Variants in ADK observed in about 807,000 individuals in gnomAD.
ADK encodes the protein N6,N6-dimethyladenosine kinase.
ADK carries 24 observed loss-of-function variants against 44.7 expected under a neutral mutation model. The ratio of observed to expected loss-of-function variants is 0.54; its 90% CI spans 0.39 to 0.76. The LOEUF is 0.76. ADK is among the 30% of genes least tolerant of loss of function. The probability of loss-of-function intolerance (pLI) is 0.00; values close to 1 mark genes in which losing one functional copy is unlikely to be tolerated. For synonymous variants in ADK, 128 were observed against 142.6 expected (o/e 0.90, Z 0.73); for missense variants, 321 against 425.1 (o/e 0.76, Z 2.15).
At chr10:74,632,221 T>C (rs1853461193) in intron 9 of ADK, among the ~76,000 whole-genome samples, 1 of 152,210 alleles carries the variant, frequency 6.6e-6, no homozygotes, top group Non-Finnish European at 1.5e-5. Flanking sequence ...TGGTTTTCTG[T>C]GTTAGGCTTC....
In ADK at chr10:74,208,407, A is replaced by G. The variant is rs375444946; in HGVS notation, c.140+7569A>G. Among the ~76,000 whole-genome samples, 67 of 152,356 alleles carry G rather than the reference A, an allele frequency of 4.4e-4. No homozygotes were observed. The East Asian group carries it at 8.1e-3, about 18-fold the overall frequency. ...TCTAGACAGCCTGCTGCTGCCATCA[A>G]TGACGCTGCTGGGAGCTCGAGTAAC... On this transcript the variant is annotated intron_variant, in intron 2 of 10. Transcript: ENST00000539909.
At chr10:74,156,561 C>G (rs1374467323) in intron 1 of ADK, among the ~76,000 whole-genome samples, 1 of 152,152 alleles carries the variant, frequency 6.6e-6, no homozygotes, top group East Asian at 1.9e-4. Flanking sequence ...CAGCAAGACT[C>G]TGTCTCAAAA....
In ADK at chr10:74,566,197, C is replaced by T. The variant is rs1284054782; in HGVS notation, c.727-23085C>T. ...CTCTTCATGTTTTTATTTTCTCTCT[C>T]TCTCTTTTTTTTTTTTTTTTTTTTT... On this transcript the variant is annotated intron_variant, in intron 7 of 10. Coordinates refer to ENST00000539909, the MANE Select transcript of ADK (RefSeq NM_006721.4). Among the ~76,000 whole-genome samples the T allele has an allele frequency of 3.5e-5, 5 of 144,580 alleles. No homozygotes were observed. The East Asian group carries it at 9.8e-4, about 28-fold the overall frequency. 94.9% of individuals were successfully genotyped at this position (144,580 alleles called of 152,430 possible).
chr10:74,337,272 T>C (rs564645367), intron 4 of ADK, among the ~76,000 whole-genome samples: 1 of 152,334 alleles, frequency 6.6e-6, no homozygotes, highest in African/African-American at 2.4e-5. Flanking sequence ...TCTGGGAAAG[T>C]CAGTGTCAAA....
chr10:74,154,389 C>A (rs1446545879), intron 1 of ADK, among the ~76,000 whole-genome samples: 1 of 152,178 alleles, frequency 6.6e-6, no homozygotes, highest in Non-Finnish European at 1.5e-5. Flanking sequence ...CTGCCTCCGC[C>A]TCCCAAGTAG....
At chr10:74,468,485 A>G (rs1846437945) in intron 6 of ADK, among the ~76,000 whole-genome samples, 1 of 152,200 alleles carries the variant, frequency 6.6e-6, no homozygotes, top group Admixed American at 6.5e-5. Flanking sequence ...AATTTATTAT[A>G]TATACTCTTT....
chr10:74,481,818 C>T lies in ADK; in HGVS notation c.556-43438C>T, dbSNP rs114804315. Among the ~76,000 whole-genome samples, 797 of 152,294 alleles carry T rather than the reference C, an allele frequency of 5.2e-3. 5 individuals are homozygous for T. Among genetic ancestry groups the T allele is most frequent in the African/African-American group, 0.018 (753 of 41,562 alleles). On this transcript the variant is annotated intron_variant, in intron 6 of 10. Coordinates refer to ENST00000539909, the MANE Select transcript of ADK (RefSeq NM_006721.4). ...AGGTTTAATTAAGGAAGGGGTTACACATGTATTTCATACTATGAAGAATTG... is the reference window on the plus strand; with the variant it reads ...AGGTTTAATTAAGGAAGGGGTTACATATGTATTTCATACTATGAAGAATTG...
At chr10:74,156,778 C>G (rs759107310) in intron 1 of ADK, among the ~76,000 whole-genome samples, 2 of 152,126 alleles carry the variant, frequency 1.3e-5, no homozygotes, top group African/African-American at 2.4e-5. Context: ...TGCCCCATAC[C>G]TCTTTTCTCA....
chr10:74,631,639 G>C (rs1853428571), intron 9 of ADK, among the ~76,000 whole-genome samples: 1 of 152,100 alleles, frequency 6.6e-6, no homozygotes, highest in Non-Finnish European at 1.5e-5. Flanking sequence ...GACTGGCTTA[G>C]AGCTGTTACC....
intron 6 of ADK, chr10:74,505,981 C>G (rs528985076): frequency 1.3e-5 from 2 of 152,274 alleles, no homozygotes; most frequent in Non-Finnish European, 2.9e-5. Flanking sequence ...GAAGTTACTT[C>G]TCCTCTTATC....
chr10:74,540,030 T>G (rs970590050), intron 7 of ADK, among the ~76,000 whole-genome samples: 1 of 152,232 alleles, frequency 6.6e-6, no homozygotes, highest in Non-Finnish European at 1.5e-5. Context: ...TTCTTACTCC[T>G]TCGTCTCCCT....
In ADK at chr10:74,611,846, G is replaced by A. The variant is rs530792018; in HGVS notation, c.877+11353G>A. On this transcript the variant is annotated intron_variant, in intron 9 of 10. Transcript: ENST00000539909. ...CTGCATAGTATTACATGGTGTATATGTACCACACTTTCTTTATCCAATCCG... is the reference window on the plus strand; with the variant it reads ...CTGCATAGTATTACATGGTGTATATATACCACACTTTCTTTATCCAATCCG... 3.9e-5 allele frequency among the ~76,000 whole-genome samples: 6 copies of A among 152,230 alleles called. No homozygotes were observed. In the East Asian group the frequency reaches 5.8e-4, roughly 15 times the overall value.
intron 7 of ADK, among the ~76,000 whole-genome samples, chr10:74,542,583 A>G (rs1380780510): frequency 2.0e-5 from 3 of 152,144 alleles, no homozygotes; most frequent in African/African-American, 7.2e-5. Context: ...AGGTTTACTC[A>G]GTAGTGTCGC....
At chr10:74,445,524 G>T (rs1430816109) in intron 6 of ADK, among the ~76,000 whole-genome samples, 2 of 151,518 alleles carry the variant, frequency 1.3e-5, no homozygotes, top group African/African-American at 2.4e-5. Context: ...TACTTTTTAA[G>T]TGCCTTTAAG....
At chr10:74,660,222 G>A (rs1854656874) in intron 9 of ADK, among the ~76,000 whole-genome samples, 2 of 152,066 alleles carry the variant, frequency 1.3e-5, no homozygotes, top group Admixed American at 6.5e-5. Context: ...TCCGCCTCCT[G>A]GACTCAAACC....
chr10:74,210,330 G>GAAAAAA (rs57852507), intron 2 of ADK, among the ~76,000 whole-genome samples: 9 of 84,880 alleles, frequency 1.1e-4, no homozygotes, highest in Admixed American at 1.6e-4. Flanking sequence ...TCCATCTCAG[G>GAAAAAA]AAAAAAAAAA....
chr10:74,167,482 T>C (rs1842062448), intron 1 of ADK, among the ~76,000 whole-genome samples: 1 of 152,230 alleles, frequency 6.6e-6, no homozygotes, highest in South Asian at 2.1e-4. Context: ...ACAACAGGTC[T>C]GGTCTGGAGG....
intron 1 of ADK, among the ~76,000 whole-genome samples, chr10:74,199,523 CT>C (rs1405467815): frequency 1.3e-5 from 2 of 151,980 alleles, no homozygotes; most frequent in Admixed American, 6.6e-5. Flanking sequence ...TGATTTCGTT[CT>C]TTTTTTATGG....
At chr10:74,607,301 A>T (rs920771520) in intron 9 of ADK, among the ~76,000 whole-genome samples, 4 of 152,114 alleles carry the variant, frequency 2.6e-5, no homozygotes, top group African/African-American at 4.8e-5. Flanking sequence ...TTTGCCCGTT[A>T]GTTGATGTGG....
Sources: allele counts gnomAD v4.1 joint callset (sites outside exome capture counted in the v4.1 genomes callset), GRCh38; gene constraint gnomAD v4.1.1; transcripts MANE v1.5; gene names NCBI Gene and HGNC (gene_info 2026-07-23, HGNC 2026-07-21).